Variants in GRIA2 observed in about 807,000 individuals in gnomAD.
GRIA2 encodes the protein glutamate ionotropic receptor AMPA type subunit 2.
Under a neutral mutation model 97.3 loss-of-function variants are expected in GRIA2, and 14 were observed. The ratio of observed to expected loss-of-function variants is 0.14; its 90% CI spans 0.10 to 0.23. GRIA2 has a LOEUF of 0.23. Among genes scored for constraint, GRIA2 ranks in the 10% least tolerant of loss-of-function variants. GRIA2 has a pLI of 1.00. For synonymous variants in GRIA2, 412 were observed against 387.8 expected (o/e 1.06, Z -0.73); for missense variants, 558 against 1,069.8 (o/e 0.52, Z 6.67).
At chr4:157,243,806 C>G (rs1316555150) in intron 2 of GRIA2, among the ~76,000 whole-genome samples, 1 of 151,952 alleles carries the variant, frequency 6.6e-6, no homozygotes, top group Non-Finnish European at 1.5e-5. Context: ...TTACCAGAAT[C>G]TAGTTATCAT....
intron 2 of GRIA2, among the ~76,000 whole-genome samples, chr4:157,224,370 G>A (rs542112393): frequency 4.6e-5 from 7 of 152,248 alleles, no homozygotes; most frequent in South Asian, 4.1e-4. Flanking sequence ...AACTAGGGGG[G>A]TACTGTGACA....
At chr4:157,258,988 A>G (rs1380509918) in intron 2 of GRIA2, among the ~76,000 whole-genome samples, 1 of 152,020 alleles carries the variant, frequency 6.6e-6, no homozygotes, top group Non-Finnish European at 1.5e-5. Flanking sequence ...AGGCCAAGAC[A>G]GGACAGGATG....
At chr4:157,360,342 G>C (rs979321451) in intron 13 of GRIA2, among the ~76,000 whole-genome samples, 199 bp downstream of exon 13, 1 of 151,764 alleles carries the variant, frequency 6.6e-6, no homozygotes, top group African/African-American at 2.4e-5. Context: ...TGTTTTGTTT[G>C]GTTTGCTTTG....
intron 12 of GRIA2, among the ~76,000 whole-genome samples, chr4:157,355,747 T>G (rs1247939636): frequency 2.2e-5 from 1 of 44,892 alleles, no homozygotes; most frequent in African/African-American, 8.8e-5. Flanking sequence ...TTTATTTATA[T>G]ATTTACATAT....
chr4:157,309,255 G>A (rs1733967733), intron 3 of GRIA2, among the ~76,000 whole-genome samples: 1 of 151,712 alleles, frequency 6.6e-6, no homozygotes, highest in African/African-American at 2.4e-5. Flanking sequence ...TTAATCTTGA[G>A]AGTTTTAATA....
chr4:157,305,247 C>T (rs1181063145), intron 3 of GRIA2, among the ~76,000 whole-genome samples: 1 of 152,018 alleles, frequency 6.6e-6, no homozygotes, highest in African/African-American at 2.4e-5. Flanking sequence ...CCTCTTTCAT[C>T]CTTGCATCCT....
At position 157,341,382 on chromosome 4, in the gene GRIA2, G is replaced by A; in HGVS notation, c.1963G>A (p.Glu655Lys). 1.9e-6 allele frequency: 3 copies of A among 1,612,566 alleles called. No individual in the cohort carries two copies. Among genetic ancestry groups the A allele is most frequent in the Admixed American group, 1.7e-5 (1 of 59,966 alleles). ...TGTAGAGAGGATGGTGTCTCCCATC[G>A]AAAGTGCTGAGGATCTTTCTAAGCA... Reference protein sequence around the residue: ...LTVERMVSPIESAEDLSKQTE... With the variant: ...LTVERMVSPIKSAEDLSKQTE... The change falls in exon 12 of 16, where the codon GAA (glutamate) becomes AAA (lysine). Residue 655 changes from glutamate (E) to lysine (K), a missense_variant. This residue lies in a region of GRIA2 where 125 missense variants were observed against 310.2 expected (regional missense o/e 0.40). Transcript: ENST00000264426.
In GRIA2 at chr4:157,365,298, G is replaced by A. The variant is rs1736835995; in HGVS notation, c.*1867G>A. 1 of 151,930 alleles carries A rather than the reference G, an allele frequency of 6.6e-6. No homozygotes were observed. Among genetic ancestry groups the A allele is most frequent in the Non-Finnish European group, 1.5e-5 (1 of 67,642 alleles). 9.4% of individuals were successfully genotyped at this position (151,930 alleles called of 1,614,324 possible). On this transcript the variant is annotated 3_prime_UTR_variant, in exon 16 of 16. Coordinates refer to ENST00000264426, the MANE Select transcript of GRIA2 (RefSeq NM_001083619.3). ...AATTTTAGTGCATTTCTCCTCATCAGGAATGCTGGAGGTGCATTTTAAGTT... is the reference window on the plus strand; with the variant it reads ...AATTTTAGTGCATTTCTCCTCATCAAGAATGCTGGAGGTGCATTTTAAGTT...
rs186369915 is a variant in GRIA2 at position 157,356,894 on chromosome 4, C to T, written c.2044-3002C>T. Among the ~76,000 whole-genome samples, 17 of 152,200 alleles carry T rather than the reference C, an allele frequency of 1.1e-4. No homozygotes were observed. The East Asian group carries it at 2.1e-3, about 19-fold the overall frequency. On this transcript the variant is annotated intron_variant, in intron 12 of 15. Transcript: ENST00000264426. ...ACTAAACACTGTCACCTACATTAAC[C>T]TACTAGGTTGGCACAAAAGTAATTG...
intron 2 of GRIA2, among the ~76,000 whole-genome samples, chr4:157,243,456 T>G (rs996846955): frequency 6.6e-6 from 1 of 152,044 alleles, no homozygotes; most frequent in Non-Finnish European, 1.5e-5. Context: ...TGAGGGGAAA[T>G]GAACACGCTT....
At chr4:157,363,317 C>T (rs1736719215) in intron 15 of GRIA2, 118 bp from the exon 16 acceptor site, 1 of 627,972 alleles carries the variant, frequency 1.6e-6, no homozygotes, top group Non-Finnish European at 2.3e-6. Context: ...CTTTCATTTG[C>T]TAGAAGCTTT....
chr4:157,299,114 T>C (rs1733498606), intron 2 of GRIA2, among the ~76,000 whole-genome samples: 1 of 152,068 alleles, frequency 6.6e-6, no homozygotes, highest in Non-Finnish European at 1.5e-5. Flanking sequence ...AGAGCAAGAC[T>C]AGTAGCAGCG....
intron 3 of GRIA2, among the ~76,000 whole-genome samples, chr4:157,309,037 AT>A (rs1473398073): frequency 1.3e-5 from 2 of 152,192 alleles, no homozygotes; most frequent in African/African-American, 4.8e-5. Flanking sequence ...GAAATGGGTT[AT>A]TAAGCATTGA....
intron 2 of GRIA2, among the ~76,000 whole-genome samples, chr4:157,271,701 C>T (rs936655577): frequency 6.6e-6 from 1 of 152,064 alleles, no homozygotes; most frequent in East Asian, 1.9e-4. Flanking sequence ...TCTCTGCCCT[C>T]CCTGGAGGTT....
intron 3 of GRIA2, among the ~76,000 whole-genome samples, chr4:157,304,030 A>G (rs1037960998): frequency 2.6e-5 from 4 of 152,324 alleles, no homozygotes; most frequent in South Asian, 2.1e-4. Context: ...TATCAACCCA[A>G]TGACCAAATA....
chr4:157,346,100 A>T (rs933826846), intron 12 of GRIA2, among the ~76,000 whole-genome samples: 6 of 152,130 alleles, frequency 3.9e-5, no homozygotes, highest in African/African-American at 1.4e-4. Context: ...ATTACAAGAG[A>T]ATTAAAATAA....
chr4:157,291,739 G>A (rs1375470044), intron 2 of GRIA2, among the ~76,000 whole-genome samples: 2 of 151,886 alleles, frequency 1.3e-5, no homozygotes, highest in Non-Finnish European at 2.9e-5. Flanking sequence ...ATTTCACAAA[G>A]TAGAAAGTTC....
At chr4:157,248,629 A>G (rs1256218609) in intron 2 of GRIA2, among the ~76,000 whole-genome samples, 1 of 127,034 alleles carries the variant, frequency 7.9e-6, no homozygotes, top group Non-Finnish European at 1.7e-5. Flanking sequence ...ATATACGTAT[A>G]TATATACACC....
Position 157,333,996 on chromosome 4 carries a change from G to C in GRIA2, c.1156-14G>C. 1.5e-6 allele frequency: 2 copies of C among 1,305,516 alleles called. No homozygotes were observed. The highest frequency in any genetic ancestry group is 2.2e-6 in the Non-Finnish European group (2 of 898,830). The allele number at this position is 1,305,516 out of a possible 1,614,324, so 80.9% of individuals were successfully genotyped here. ...TCATTTATCCATACACCTGTCTGCT[G>C]TAACCTTTTCCAGATTGGCTACTGG... On this transcript the variant is annotated splice_polypyrimidine_tract_variant and intron_variant, in intron 8 of 15. Transcript: ENST00000264426.
Sources: gnomAD v4.1 joint callset for allele counts (sites outside exome capture counted in the v4.1 genomes callset) on GRCh38, gnomAD v4.1.1 for gene constraint, gnomAD v4.1.1 regional missense constraint, MANE v1.5 for transcripts, NCBI Gene and HGNC (gene_info 2026-07-23, HGNC 2026-07-21) for gene names.